CTTNBP2: variants seen among roughly 807,000 people sequenced by gnomAD.
CTTNBP2 encodes cortactin binding protein 2.
In CTTNBP2, 108 loss-of-function variants were observed where a neutral mutation model predicts 156.9. That is an observed-to-expected ratio of 0.69 (90% CI 0.59 to 0.81). The LOEUF (loss-of-function observed/expected upper bound fraction) is 0.81. Ranked by LOEUF, CTTNBP2 falls within the 30% of genes least tolerant of loss-of-function variation. The probability of loss-of-function intolerance (pLI) is 0.00; values close to 1 mark genes in which losing one functional copy is unlikely to be tolerated. For synonymous variants in CTTNBP2, 767 were observed against 751.8 expected, an observed-to-expected ratio of 1.02 and a Z score of -0.33; for missense variants, 1,924 against 2,035.4, an observed-to-expected ratio of 0.95 and a Z score of 1.05.
In CTTNBP2 at chr7:117,717,334, G is replaced by GCAATGTATAAGACCTTTATGTTATCACTC. The variant is rs1794464374; in HGVS notation, c.4746+655_4746+683dup. Reference sequence around the variant, plus strand: ...AATAAAATTGAGATTTTTTTTTTTTGCAATGTATAAGACCTTTATGTTATC... The same window carrying GCAATGTATAAGACCTTTATGTTATCACTC: ...AATAAAATTGAGATTTTTTTTTTTTGCAATGTATAAGACCTTTATGTTATCACTCCAATGTATAAGACCTTTATGTTATC... On this transcript the variant is annotated intron_variant, in intron 22 of 22. Transcript: ENST00000160373. 2.0e-5 allele frequency among the ~76,000 whole-genome samples: 3 copies of GCAATGTATAAGACCTTTATGTTATCACTC among 147,614 alleles called. No homozygotes were observed. The South Asian group carries it at 6.4e-4, about 32-fold the overall frequency.
At chr7:117,716,471 T>C (rs754324443) in intron 22 of CTTNBP2, among the ~76,000 whole-genome samples, 6 of 152,260 alleles carry the variant, frequency 3.9e-5, no homozygotes, top group Non-Finnish European at 7.4e-5. Flanking sequence ...TCTTGGGTCC[T>C]AGAGACTGGC....
At chr7:117,833,053 C>T (rs886642760) in intron 2 of CTTNBP2, among the ~76,000 whole-genome samples, 5 of 152,130 alleles carry the variant, frequency 3.3e-5, no homozygotes, top group Non-Finnish European at 7.3e-5. Context: ...CCGCATCTGG[C>T]CCATCAACCT....
intron 2 of CTTNBP2, among the ~76,000 whole-genome samples, chr7:117,818,035 A>T (rs1800724679): frequency 6.6e-6 from 1 of 152,216 alleles, no homozygotes; most frequent in African/African-American, 2.4e-5. Context: ...ACTGTTTACA[A>T]CACTTTTTAA....
At chr7:117,801,190 T>C (rs1799588465) in intron 3 of CTTNBP2, among the ~76,000 whole-genome samples, 1 of 152,180 alleles carries the variant, frequency 6.6e-6, no homozygotes. Flanking sequence ...AAATCATCAG[T>C]GGATTCTAAA....
chr7:117,743,652 C>A (rs541583538), intron 14 of CTTNBP2, among the ~76,000 whole-genome samples: 100 of 149,750 alleles, frequency 6.7e-4, no homozygotes, highest in Admixed American at 6.6e-3. Context: ...GCCCCAGCTA[C>A]TCGGGAGGCT....
rs561626120 is a variant in CTTNBP2 at position 117,871,818 on chromosome 7, C to T, written c.81+1517G>A. 16 of 401,240 alleles carry T rather than the reference C, an allele frequency of 4.0e-5. 1 individual carries two copies. The highest frequency in any genetic ancestry group is 2.4e-4 in the Admixed American group (3 of 12,508). The allele number at this position is 401,240 out of a possible 1,614,324, so 24.9% of individuals were successfully genotyped here. Reference sequence around the variant, plus strand: ...CCACACACACACACACACACACACACCCTCTTTCTTTTTCGTCCTTCCCCT... The same window carrying T: ...CCACACACACACACACACACACACATCCTCTTTCTTTTTCGTCCTTCCCCT... On this transcript the variant is annotated intron_variant, in intron 1 of 22. Transcript: ENST00000160373.
intron 14 of CTTNBP2, among the ~76,000 whole-genome samples, chr7:117,739,947 C>T (rs549246338): frequency 9.2e-5 from 14 of 152,256 alleles, no homozygotes; most frequent in African/African-American, 3.4e-4. Context: ...CTTTAAAATA[C>T]CCATCTAGTG....
chr7:117,792,550 C>T lies in CTTNBP2; in HGVS notation c.646G>A (p.Glu216Lys). The change falls in exon 4 of 23, where the codon GAG (glutamate) becomes AAG (lysine). Residue 216 changes from glutamate to lysine, a missense_variant. Coordinates refer to ENST00000160373, the MANE Select transcript of CTTNBP2 (RefSeq NM_033427.3). This position sits in a 1 kb window ranked among gnomAD's most constrained non-coding sequence, Gnocchi z 4.2. ...TCCATTTCTGTGCTTCTTCGTTTCTCAGCGGAGAGTTCCTCTTCTAATTCA... is the reference window on the plus strand; with the variant it reads ...TCCATTTCTGTGCTTCTTCGTTTCTTAGCGGAGAGTTCCTCTTCTAATTCA... ...TNELEEELSA[E>K]KRRSTEMEAQ... 1 of 1,614,184 alleles carries T rather than the reference C, an allele frequency of 6.2e-7. No individual in the cohort carries two copies. The highest frequency in any genetic ancestry group is 8.5e-7 in the Non-Finnish European group (1 of 1,180,044).
intron 1 of CTTNBP2, among the ~76,000 whole-genome samples, chr7:117,865,973 A>G (rs1804165582): frequency 6.7e-6 from 1 of 148,224 alleles, no homozygotes; most frequent in Non-Finnish European, 1.5e-5. Flanking sequence ...TATATAATAT[A>G]TACATATATA....
At chr7:117,828,133 G>A (rs1801396300) in intron 2 of CTTNBP2, among the ~76,000 whole-genome samples, 1 of 152,152 alleles carries the variant, frequency 6.6e-6, no homozygotes, top group South Asian at 2.1e-4. Flanking sequence ...TCAACAGTTT[G>A]AAAGCAGTCT....
rs186482364 is a variant in CTTNBP2, at chr7:117,763,248, A to C, written c.2897-2538T>G. ...TGGCTAAGATAGTGACTGGCACAAG[A>C]GCAGCTCAATAAGCATATGTTCAAT... On this transcript the variant is annotated intron_variant, in intron 9 of 22. Coordinates refer to ENST00000160373, the MANE Select transcript of CTTNBP2 (RefSeq NM_033427.3). Among the ~76,000 whole-genome samples, 519 of 152,364 alleles carry C rather than the reference A, an allele frequency of 3.4e-3. 3 individuals carry two copies. The highest frequency in any genetic ancestry group is 5.3e-3 in the Non-Finnish European group (362 of 68,024).
chr7:117,802,075 A>G (rs1240851633), intron 3 of CTTNBP2, among the ~76,000 whole-genome samples: 1 of 100,298 alleles, frequency 1.0e-5, no homozygotes, highest in African/African-American at 4.0e-5. Context: ...ACCCCACCAC[A>G]GTCCCCAGAG....
At chr7:117,822,009 C>G (rs910216127) in intron 2 of CTTNBP2, among the ~76,000 whole-genome samples, 5 of 152,034 alleles carry the variant, frequency 3.3e-5, no homozygotes, top group Non-Finnish European at 5.9e-5. Context: ...ACCCATTTAC[C>G]AGGGAAACCA....
chr7:117,755,892 T>C (rs1418708106), intron 12 of CTTNBP2, among the ~76,000 whole-genome samples: 1 of 152,138 alleles, frequency 6.6e-6, no homozygotes, highest in Non-Finnish European at 1.5e-5. Context: ...GCAATTCCCC[T>C]GAAAGGAAAG....
chr7:117,731,265 C>G (rs1184451819), intron 16 of CTTNBP2, among the ~76,000 whole-genome samples: 1 of 152,170 alleles, frequency 6.6e-6, no homozygotes, highest in East Asian at 1.9e-4. Context: ...TTAAATTTTG[C>G]TAGATTTATA....
rs2117065077 is a variant in CTTNBP2 at position 117,828,740 on chromosome 7, C to G, written c.190-17751G>C. Among the ~76,000 whole-genome samples the G allele has an allele frequency of 2.0e-5, 3 of 152,290 alleles. 1 individual carries two copies. The South Asian group carries it at 6.2e-4, about 32-fold the overall frequency. On this transcript the variant is annotated intron_variant, in intron 2 of 22. Transcript: ENST00000160373. ...CATCATTTATTCAATGAAAATTCATCAAGAACTGTCTATGTGTATACAATT... is the reference window on the plus strand; with the variant it reads ...CATCATTTATTCAATGAAAATTCATGAAGAACTGTCTATGTGTATACAATT...
intron 16 of CTTNBP2, among the ~76,000 whole-genome samples, chr7:117,730,269 T>C (rs879935307): frequency 1.3e-5 from 2 of 152,296 alleles, no homozygotes; most frequent in East Asian, 3.9e-4. Context: ...AATCCTTCAA[T>C]GTGACCACAG....
intron 8 of CTTNBP2, among the ~76,000 whole-genome samples, chr7:117,770,583 G>T (rs534934759): frequency 6.6e-6 from 1 of 152,306 alleles, no homozygotes; most frequent in South Asian, 2.1e-4. Context: ...TATAAGTAAG[G>T]CACAAAGCCC....
chr7:117,790,358 C>T (rs923579594), intron 4 of CTTNBP2, among the ~76,000 whole-genome samples: 2 of 152,180 alleles, frequency 1.3e-5, no homozygotes, highest in African/African-American at 2.4e-5. Context: ...AAAAGCAATG[C>T]TTTCTCTAGC....
Sources: gnomAD v4.1 joint callset for allele counts (sites outside exome capture counted in the v4.1 genomes callset) on GRCh38, gnomAD v4.1.1 for gene constraint, Gnocchi (gnomAD v3.1) non-coding constraint, MANE v1.5 for transcripts, NCBI Gene and HGNC (gene_info 2026-07-23, HGNC 2026-07-21) for gene names.